ZBTB7C: variants seen among roughly 807,000 people sequenced by gnomAD.
ZBTB7C encodes zinc finger and BTB domain containing 7C.
A neutral mutation model predicts 25.7 loss-of-function variants in ZBTB7C; 8 were observed. The observed-to-expected ratio is 0.31, with a 90% CI of 0.18 to 0.56. ZBTB7C has a LOEUF of 0.56. ZBTB7C is among the 20% of genes least tolerant of loss of function. The probability of loss-of-function intolerance (pLI) is 0.91; values close to 1 mark genes in which losing one functional copy is unlikely to be tolerated. For synonymous variants in ZBTB7C, 394 were observed against 369.0 expected (o/e 1.07, Z -0.78); for missense variants, 824 against 855.2 (o/e 0.96, Z 0.46).
rs191343595 is a variant in ZBTB7C at position 48,249,792 on chromosome 18, G to A, written c.-78-63797C>T. On this transcript the variant is annotated intron_variant, in intron 2 of 4. Transcript: ENST00000590800. Reference sequence around the variant, plus strand: ...TCTTTACTTTATTTACACTACAATAGCAAGACTCTTCTTACCACCACTTTT... The same window carrying A: ...TCTTTACTTTATTTACACTACAATAACAAGACTCTTCTTACCACCACTTTT... Among the ~76,000 whole-genome samples the A allele has an allele frequency of 2.1e-3, 315 of 152,096 alleles. 1 individual carries two copies. The highest frequency in any genetic ancestry group is 6.8e-3 in the Middle Eastern group (2 of 294).
intron 1 of ZBTB7C, among the ~76,000 whole-genome samples, chr18:48,355,094 T>A (rs2046946996): frequency 6.6e-6 from 1 of 152,196 alleles, no homozygotes; most frequent in South Asian, 2.1e-4. Context: ...GCCATGCCAA[T>A]CCCCCCTGCA....
chr18:48,343,581 C>T lies in ZBTB7C; in HGVS notation c.-303-5183G>A, dbSNP rs1445951704. Among the ~76,000 whole-genome samples the T allele has an allele frequency of 2.6e-5, 4 of 152,186 alleles. No homozygotes were observed. In the South Asian group the frequency reaches 8.3e-4, roughly 32 times the overall value. On this transcript the variant is annotated intron_variant, in intron 1 of 4. Transcript: ENST00000590800. ...GTGGGCTCTGGAATCAGGTTTGTAT[C>T]CCAGCTCCACCACCTATCAGCTGTG... is the stretch of plus-strand genomic sequence containing the variant.
intron 3 of ZBTB7C, among the ~76,000 whole-genome samples, chr18:48,135,948 C>G (rs945602731): frequency 6.6e-6 from 1 of 152,222 alleles, no homozygotes; most frequent in Non-Finnish European, 1.5e-5. Flanking sequence ...GGCAGCCGCC[C>G]GCTGCCCACC....
intron 3 of ZBTB7C, among the ~76,000 whole-genome samples, chr18:48,184,771 G>A (rs1445739502): frequency 2.0e-5 from 3 of 151,840 alleles, no homozygotes; most frequent in Non-Finnish European, 2.9e-5. Flanking sequence ...CCCCATTACT[G>A]GCCTCACAGG....
Position 48,282,143 on chromosome 18 carries a change from G to A in ZBTB7C, c.-79+56031C>T, listed in dbSNP as rs1486258907. ...ATACTATGCAGCCATAAAAAATGAT[G>A]AGTTCATGTCCTCTGTAGGGACATG... On this transcript the variant is annotated intron_variant, in intron 2 of 4. Transcript: ENST00000590800. 2.7e-3 allele frequency among the ~76,000 whole-genome samples: 401 copies of A among 151,030 alleles called. 1 individual carries two copies. The highest frequency in any genetic ancestry group is 9.5e-3 in the African/African-American group (388 of 40,862).
intron 2 of ZBTB7C, among the ~76,000 whole-genome samples, chr18:48,258,210 A>G (rs1459843749): frequency 6.6e-6 from 1 of 152,208 alleles, no homozygotes; most frequent in African/African-American, 2.4e-5. Flanking sequence ...CCTATTCAAC[A>G]TTGTCCTGAA....
chr18:48,333,838 A>C (rs1403326724), intron 2 of ZBTB7C, among the ~76,000 whole-genome samples: 1 of 152,056 alleles, frequency 6.6e-6, no homozygotes, highest in Non-Finnish European at 1.5e-5. Context: ...CATTAACCCA[A>C]CCACACACAG....
chr18:48,242,467 T>C (rs1410719656), intron 2 of ZBTB7C, among the ~76,000 whole-genome samples: 1 of 152,096 alleles, frequency 6.6e-6, no homozygotes, highest in Non-Finnish European at 1.5e-5. Context: ...AGCTAACCAA[T>C]TCCAACAGCA....
intron 2 of ZBTB7C, among the ~76,000 whole-genome samples, chr18:48,221,674 G>A (rs2042962926): frequency 1.4e-5 from 2 of 144,644 alleles, no homozygotes; most frequent in Non-Finnish European, 3.0e-5. Flanking sequence ...TACTGTCCTA[G>A]TCTCCTCTAC....
chr18:48,367,202 T>TATATATATATATATACACAC (rs1302394192), intron 1 of ZBTB7C, among the ~76,000 whole-genome samples: 53 of 63,328 alleles, frequency 8.4e-4, no homozygotes, highest in Non-Finnish European at 1.2e-3. Context: ...TATATATATA[T>TATATATATATATATACACAC]ACACACACAC....
At chr18:48,198,083 G>A (rs191413848) in intron 2 of ZBTB7C, among the ~76,000 whole-genome samples, 62 of 152,242 alleles carry the variant, frequency 4.1e-4, no homozygotes, top group African/African-American at 1.3e-3. Context: ...CTTGCATAAC[G>A]TTGTACTTTT....
At chr18:48,070,212 G>A (rs1433407048) in intron 3 of ZBTB7C, among the ~76,000 whole-genome samples, 1 of 152,176 alleles carries the variant, frequency 6.6e-6, no homozygotes. Flanking sequence ...ACACATAGCA[G>A]CGAATAAAAG....
intron 3 of ZBTB7C, chr18:48,083,738 A>C: frequency 2.6e-6 from 2 of 777,080 alleles, no homozygotes; most frequent in Non-Finnish European, 3.1e-6. Flanking sequence ...AAAAAATGAA[A>C]TTAAAGAAGT....
intron 3 of ZBTB7C, among the ~76,000 whole-genome samples, chr18:48,116,092 TAAGAAA>T (rs1598907437): frequency 6.6e-6 from 1 of 151,794 alleles, no homozygotes; most frequent in African/African-American, 2.4e-5. Flanking sequence ...AAGAAAAATA[TAAGAAA>T]AAGAAAGTTA....
At position 48,281,166 on chromosome 18, in the gene ZBTB7C, T is replaced by A. The variant is rs553409467; in HGVS notation, c.-79+57008A>T. ...ACCATGTCTGGCTGTAATTTTTTTT[T>A]AATTAAAATCTTTGACAAACCTGAG... On this transcript the variant is annotated intron_variant, in intron 2 of 4. Transcript: ENST00000590800. Among the ~76,000 whole-genome samples the A allele has an allele frequency of 1.3e-4, 20 of 152,222 alleles. No individual in the cohort carries two copies. The South Asian group carries it at 3.5e-3, about 27-fold the overall frequency.
chr18:48,097,080 G>C (rs572280183), intron 3 of ZBTB7C, among the ~76,000 whole-genome samples: 6 of 152,198 alleles, frequency 3.9e-5, no homozygotes, highest in African/African-American at 1.4e-4. Context: ...TTCTTTTCCT[G>C]AAAACTGTTT....
At position 48,028,928 on chromosome 18, in the gene ZBTB7C, G is replaced by C; in HGVS notation, c.*332C>G. 1 of 311,132 alleles carries C rather than the reference G, an allele frequency of 3.2e-6. No individual in the cohort carries two copies. Among genetic ancestry groups the C allele is most frequent in the Non-Finnish European group, 5.8e-6 (1 of 171,332 alleles). 19.3% of individuals were successfully genotyped at this position (311,132 alleles called of 1,614,324 possible). A position where few individuals can be genotyped will look rare whatever the true frequency, so the allele number is the denominator to read the frequency against. On this transcript the variant is annotated 3_prime_UTR_variant, in exon 5 of 5. Coordinates refer to ENST00000590800, the MANE Select transcript of ZBTB7C (RefSeq NM_001318841.2). ...CTGGGCACCAGGCCAACCACCCCCT[G>C]ACCCCTCATGACTCACCCAGCTCCT...
At chr18:48,328,830 T>C (rs2046283728) in intron 2 of ZBTB7C, among the ~76,000 whole-genome samples, 2 of 152,242 alleles carry the variant, frequency 1.3e-5, no homozygotes, top group South Asian at 4.1e-4. Context: ...AAAAATTAAA[T>C]TTCACTTTCC....
intron 2 of ZBTB7C, among the ~76,000 whole-genome samples, chr18:48,199,833 G>C (rs532266133): frequency 8.5e-5 from 13 of 152,228 alleles, no homozygotes; most frequent in Admixed American, 8.5e-4. Flanking sequence ...ATTTTCCAGA[G>C]GATATGATCC....
Sources: allele counts gnomAD v4.1 joint callset (sites outside exome capture counted in the v4.1 genomes callset), GRCh38; gene constraint gnomAD v4.1.1; transcripts MANE v1.5; gene names NCBI Gene and HGNC (gene_info 2026-07-23, HGNC 2026-07-21).